FEM1A: variants seen among roughly 807,000 people sequenced by gnomAD.
FEM1A encodes the protein protein fem-1 homolog A.
A neutral mutation model predicts 0.7 loss-of-function variants in FEM1A; 1 was observed. The observed-to-expected ratio is 1.35, with a 90% CI of 0.48 to 6.40. The LOEUF is 6.40. Ranked by LOEUF, FEM1A falls within the 30% of genes most tolerant of loss-of-function variation. FEM1A has a pLI of 0.14. For missense variants in FEM1A, 721 were observed against 918.7 expected, an observed-to-expected ratio of 0.78 and a Z score of 2.78; for synonymous variants, 391 against 420.6, an observed-to-expected ratio of 0.93 and a Z score of 0.86.
In FEM1A at chr19:4,798,080, A is replaced by AAAAT; in HGVS notation, c.*4217_*4220dup. ...AAACCCCGTCTCTACTAAAAATACA[A>AAAAT]AAATTAGCCGGGTGTGGTGGCAGGT... On this transcript the variant is annotated 3_prime_UTR_variant, in exon 1 of 1. Transcript: ENST00000269856. The AAAAT allele has an allele frequency of 8.5e-6, 1 of 118,000 alleles. No homozygotes were observed. Among genetic ancestry groups the AAAAT allele is most frequent in the Non-Finnish European group, 1.9e-5 (1 of 53,112 alleles). The allele number at this position is 118,000 out of a possible 1,614,324, so 7.3% of individuals were successfully genotyped here.
chr19:4,793,143 T>C lies in FEM1A; in HGVS notation c.1289T>C (p.Met430Thr). 6.2e-6 allele frequency: 10 copies of C among 1,613,512 alleles called. No individual in the cohort carries two copies. Among genetic ancestry groups the C allele is most frequent in the Non-Finnish European group, 8.5e-6 (10 of 1,180,016 alleles). The part of the protein sequence containing the change: ...QQSNLEPLSP[M>T]TASSFLSFAE... ...AGCAACCTGGAGCCTCTGAGCCCCA[T>C]GACCGCCAGCAGCTTCCTCTCCTTC... The change falls in exon 1 of 1, where the codon ATG (methionine) becomes ACG (threonine). Residue 430 changes from methionine (M) to threonine (T), a missense_variant. Coordinates refer to ENST00000269856, the MANE Select transcript of FEM1A (RefSeq NM_018708.3). The surrounding 1 kb of genome is among the most constrained non-coding windows in gnomAD (Gnocchi z 5.1).
rs1400400671 is a variant in FEM1A, at chr19:4,794,872, A to C, written c.*1008A>C. 6.0e-6 allele frequency: 1 copy of C among 166,980 alleles called. No individual in the cohort carries two copies. Among genetic ancestry groups the C allele is most frequent in the Non-Finnish European group, 1.5e-5 (1 of 68,102 alleles). 10.3% of individuals were successfully genotyped at this position (166,980 alleles called of 1,614,324 possible). On this transcript the variant is annotated 3_prime_UTR_variant, in exon 1 of 1. Transcript: ENST00000269856. ...CTTTGCCACCCAGCAAAGAACTGGC[A>C]CAATTGGTTTGGGTCTGCATTGCCA...
Position 4,791,838 on chromosome 19 carries a change from T to C in FEM1A, c.-17T>C, listed in dbSNP as rs2093554659. 6.7e-7 allele frequency: 1 copy of C among 1,482,684 alleles called. No homozygotes were observed. Among genetic ancestry groups the C allele is most frequent in the African/African-American group, 1.5e-5 (1 of 68,568 alleles). The allele number at this position is 1,482,684 out of a possible 1,614,324, so 91.8% of individuals were successfully genotyped here. ...GTCCCCCGGCGGCCGGCCCATGGCC[T>C]GGCGGAGGCCCGAACCATGGACCTC... On this transcript the variant is annotated 5_prime_UTR_variant, in exon 1 of 1. Transcript: ENST00000269856.
chr19:4,793,925 G>A lies in FEM1A; in HGVS notation c.*61G>A, dbSNP rs2093558017. ...CTCCTGCTGAGATGGGGGAAATCCGGCTGCGGCATAGCAGATGCTCGTTCT... is the reference window on the plus strand; with the variant it reads ...CTCCTGCTGAGATGGGGGAAATCCGACTGCGGCATAGCAGATGCTCGTTCT... On this transcript the variant is annotated 3_prime_UTR_variant, in exon 1 of 1. Coordinates refer to ENST00000269856, the MANE Select transcript of FEM1A (RefSeq NM_018708.3). The surrounding 1 kb of genome is among the most constrained non-coding windows in gnomAD (Gnocchi z 5.1). 4 of 1,508,368 alleles carry A rather than the reference G, an allele frequency of 2.7e-6. No individual in the cohort carries two copies. Among genetic ancestry groups the A allele is most frequent in the South Asian group, 2.5e-5 (2 of 80,386 alleles). The allele number at this position is 1,508,368 out of a possible 1,614,324, so 93.4% of individuals were successfully genotyped here. A position where few individuals can be genotyped will look rare whatever the true frequency, so the allele number is the denominator to read the frequency against.
At position 4,792,862 on chromosome 19, in the gene FEM1A, G is replaced by T; in HGVS notation, c.1008G>T (p.Leu336=). 7 of 1,612,210 alleles carry T rather than the reference G, an allele frequency of 4.3e-6. No homozygotes were observed. Among genetic ancestry groups the T allele is most frequent in the Non-Finnish European group, 5.9e-6 (7 of 1,180,002 alleles). Residue 336 remains leucine (L), a synonymous_variant, in exon 1 of 1, where the codon CTG becomes CTT. Coordinates refer to ENST00000269856, the MANE Select transcript of FEM1A (RefSeq NM_018708.3). The surrounding 1 kb of genome is among the most constrained non-coding windows in gnomAD (Gnocchi z 6.7). ...MELRHQGGEY[L]PKPEPPQLVL... ...TGCGTCACCAGGGGGGCGAGTACCT[G>T]CCCAAACCGGAGCCCCCACAGCTGG...
At position 4,792,809 on chromosome 19, in the gene FEM1A, C is replaced by T. The variant is rs578180307; in HGVS notation, c.955C>T (p.Leu319Phe). The change falls in exon 1 of 1, where the codon CTT (leucine) becomes TTT (phenylalanine). Residue 319 changes from leucine to phenylalanine, a missense_variant. Coordinates refer to ENST00000269856, the MANE Select transcript of FEM1A (RefSeq NM_018708.3). This position sits in a 1 kb window ranked among gnomAD's most constrained non-coding sequence, Gnocchi z 6.7. ...TAAGAAACGAGATCTGCTTGGGGCC[C>T]TTAAACACTGGAGGCGGGCCATGGA... is the stretch of plus-strand genomic sequence containing the variant. ...VDKKRDLLGA[L>F]KHWRRAMELR... 5 of 1,612,196 alleles carry T rather than the reference C, an allele frequency of 3.1e-6. No individual in the cohort carries two copies. The South Asian group carries it at 3.3e-5, about 11-fold the overall frequency.
In FEM1A at chr19:4,800,367, A is replaced by C. The variant is rs1034626025; in HGVS notation, c.*6503A>C. The C allele has an allele frequency of 6.6e-6, 1 of 152,390 alleles. No homozygotes were observed. The highest frequency in any genetic ancestry group is 2.4e-5 in the African/African-American group (1 of 41,466). 9.4% of individuals were successfully genotyped at this position (152,390 alleles called of 1,614,324 possible). On this transcript the variant is annotated 3_prime_UTR_variant, in exon 1 of 1. Transcript: ENST00000269856. ...GGAAGGTGTCGAGAGCCAGGCAGCC[A>C]AGCCTGACCTGGGAGATGGGGAAGT...
rs767631217 is a variant in FEM1A, at chr19:4,796,704, G to C, written c.*2840G>C. 6.6e-6 allele frequency: 1 copy of C among 152,306 alleles called. No individual in the cohort carries two copies. The highest frequency in any genetic ancestry group is 2.4e-5 in the African/African-American group (1 of 41,460). 9.4% of individuals were successfully genotyped at this position (152,306 alleles called of 1,614,324 possible). On this transcript the variant is annotated 3_prime_UTR_variant, in exon 1 of 1. Transcript: ENST00000269856. The stretch of plus-strand genomic sequence containing the variant: ...TAAGGATTGAGCTGTCGATATGAAC[G>C]TCCGGTTAATCCCTGTGCGCCCGCC...
rs1204525478 is a variant in FEM1A, at chr19:4,793,762, C to T, written c.1908C>T (p.Tyr636=). 4 of 1,612,266 alleles carry T rather than the reference C, an allele frequency of 2.5e-6. No homozygotes were observed. The South Asian group carries it at 3.3e-5, about 13-fold the overall frequency. Residue 636 remains tyrosine, a synonymous_variant, in exon 1 of 1, where the codon TAC becomes TAT. Coordinates refer to ENST00000269856, the MANE Select transcript of FEM1A (RefSeq NM_018708.3). The surrounding 1 kb of genome is among the most constrained non-coding windows in gnomAD (Gnocchi z 5.1). ...LARGTMQPFN[Y]VTLQCLAARA... ...GGGGTACCATGCAGCCCTTCAACTA[C>T]GTGACCCTGCAGTGCCTTGCGGCCC...
chr19:4,796,293 G>C lies in FEM1A; in HGVS notation c.*2429G>C, dbSNP rs2093561041. 1 of 150,864 alleles carries C rather than the reference G, an allele frequency of 6.6e-6. No individual in the cohort carries two copies. Among genetic ancestry groups the C allele is most frequent in the South Asian group, 2.1e-4 (1 of 4,772 alleles). 9.3% of individuals were successfully genotyped at this position (150,864 alleles called of 1,614,324 possible). A position where few individuals can be genotyped will look rare whatever the true frequency, so the allele number is the denominator to read the frequency against. ...TGCAACCGCTGCCTCCCGGGTTCAA[G>C]TGATTCTCCTGCCTCAGCCTCCTGA... On this transcript the variant is annotated 3_prime_UTR_variant, in exon 1 of 1. Coordinates refer to ENST00000269856, the MANE Select transcript of FEM1A (RefSeq NM_018708.3).
rs780604128 is a variant in FEM1A, at chr19:4,792,322, C to T, written c.468C>T (p.Ile156=). ...GGCACGGCCACACGTGCCTCATGAT[C>T]TCGTGCTACAAGGGCCACCGTGAGA... The part of the protein sequence containing the change: ...ANRHGHTCLM[I]SCYKGHREIA... The change falls in exon 1 of 1, where the codon ATC becomes ATT. Residue 156 remains isoleucine (I), a synonymous_variant. Transcript: ENST00000269856. The surrounding 1 kb of genome is among the most constrained non-coding windows in gnomAD (Gnocchi z 6.7). The T allele has an allele frequency of 1.2e-5, 19 of 1,592,508 alleles. No individual in the cohort carries two copies. The highest frequency in any genetic ancestry group is 1.4e-5 in the Non-Finnish European group (17 of 1,177,892).
In FEM1A at chr19:4,792,466, G is replaced by A. The variant is rs2093555593; in HGVS notation, c.612G>A (p.Gly204=). 1.3e-6 allele frequency: 2 copies of A among 1,596,930 alleles called. No individual in the cohort carries two copies. Among genetic ancestry groups the A allele is most frequent in the African/African-American group, 1.3e-5 (1 of 74,894 alleles). ...TGGAGATCCTGCAGCTGCTGCTGGG[G>A]TGCAAGGCCCGCATGGAACGTGACG... The part of the protein sequence containing the change: ...GSLEILQLLL[G]CKARMERDGY... Residue 204 remains glycine (G), a synonymous_variant, in exon 1 of 1, where the codon GGG becomes GGA. Coordinates refer to ENST00000269856, the MANE Select transcript of FEM1A (RefSeq NM_018708.3). This position sits in a 1 kb window ranked among gnomAD's most constrained non-coding sequence, Gnocchi z 6.7.
In FEM1A at chr19:4,792,468, G is replaced by C. The variant is rs1372228614; in HGVS notation, c.614G>C (p.Cys205Ser). Residue 205 changes from cysteine (C) to serine (S), a missense_variant, in exon 1 of 1, where the codon TGC (cysteine) becomes TCC (serine). By Grantham distance (112) the Cys-to-Ser change is moderately radical (BLOSUM62 -1). Coordinates refer to ENST00000269856, the MANE Select transcript of FEM1A (RefSeq NM_018708.3). This position sits in a 1 kb window ranked among gnomAD's most constrained non-coding sequence, Gnocchi z 6.7. ...SLEILQLLLG[C>S]KARMERDGYG... ...GAGATCCTGCAGCTGCTGCTGGGGT[G>C]CAAGGCCCGCATGGAACGTGACGGC... 1.9e-6 allele frequency: 3 copies of C among 1,597,018 alleles called. No homozygotes were observed. Among genetic ancestry groups the C allele is most frequent in the Non-Finnish European group, 2.5e-6 (3 of 1,179,630 alleles).
chr19:4,793,523 A>G lies in FEM1A; in HGVS notation c.1669A>G (p.Arg557Gly), dbSNP rs1246634718. ...TTNVGRYPVG[R>G]FPSLHVVKVL... The stretch of plus-strand genomic sequence containing the variant: ...AAACGTGGGCCGCTATCCCGTGGGC[A>G]GATTCCCCTCCCTGCACGTGGTCAA... The change falls in exon 1 of 1, where the codon AGA (arginine) becomes GGA (glycine). Residue 557 changes from arginine to glycine, a missense_variant. This residue lies in a region of FEM1A where 379 missense variants were observed against 454.8 expected (regional missense o/e 0.83). Coordinates refer to ENST00000269856, the MANE Select transcript of FEM1A (RefSeq NM_018708.3). The surrounding 1 kb of genome is among the most constrained non-coding windows in gnomAD (Gnocchi z 5.1). 4.3e-6 allele frequency: 7 copies of G among 1,613,106 alleles called. No homozygotes were observed. The highest frequency in any genetic ancestry group is 5.1e-6 in the Non-Finnish European group (6 of 1,179,862).
rs2093556079 is a variant in FEM1A at position 4,792,752 on chromosome 19, G to C, written c.898G>C (p.Ala300Pro). The change falls in exon 1 of 1, where the codon GCC (alanine) becomes CCC (proline). Residue 300 changes from alanine (A) to proline (P), a missense_variant. Physicochemically the swap from Ala to Pro is conservative, Grantham distance 27 (BLOSUM62 -1). Coordinates refer to ENST00000269856, the MANE Select transcript of FEM1A (RefSeq NM_018708.3). This position sits in a 1 kb window ranked among gnomAD's most constrained non-coding sequence, Gnocchi z 6.7. Reference protein sequence around the residue: ...CPTSREAAVEALELLGATYVD... With the variant: ...CPTSREAAVEPLELLGATYVD... The stretch of plus-strand genomic sequence containing the variant: ...CACCAGCCGGGAAGCTGCCGTGGAA[G>C]CCTTGGAATTGCTGGGAGCTACGTA... The C allele has an allele frequency of 6.2e-7, 1 of 1,612,136 alleles. No individual in the cohort carries two copies. Among genetic ancestry groups the C allele is most frequent in the Non-Finnish European group, 8.5e-7 (1 of 1,179,898 alleles).
In FEM1A at chr19:4,799,918, A is replaced by AATAAATAAAAT. The variant is rs1555728949; in HGVS notation, c.*6055_*6056insTAAATAAAATA. 6.9e-6 allele frequency: 1 copy of AATAAATAAAAT among 145,006 alleles called. No homozygotes were observed. Among genetic ancestry groups the AATAAATAAAAT allele is most frequent in the African/African-American group, 2.5e-5 (1 of 39,344 alleles). 9.0% of individuals were successfully genotyped at this position (145,006 alleles called of 1,614,324 possible). A position where few individuals can be genotyped will look rare whatever the true frequency, so the allele number is the denominator to read the frequency against. ...AGACTCTGTCTCAAAAAAAAAAAAAAAAAAAAAAAAAAAAATGGGGCCATC... is the reference window on the plus strand; with the variant it reads ...AGACTCTGTCTCAAAAAAAAAAAAAAATAAATAAAATAAAAAAAAAAAAAAATGGGGCCATC... On this transcript the variant is annotated 3_prime_UTR_variant, in exon 1 of 1. Coordinates refer to ENST00000269856, the MANE Select transcript of FEM1A (RefSeq NM_018708.3).
rs2093565286 is a variant in FEM1A at position 4,799,250 on chromosome 19, T to A, written c.*5386T>A. 1 of 151,774 alleles carries A rather than the reference T, an allele frequency of 6.6e-6. No individual in the cohort carries two copies. The highest frequency in any genetic ancestry group is 2.4e-5 in the African/African-American group (1 of 41,248). The allele number at this position is 151,774 out of a possible 1,614,324, so 9.4% of individuals were successfully genotyped here. ...CAACATGGTGAAACCCTATCTATTC[T>A]AAAAATACAAAAAATTAGCCAGGCA... is the stretch of plus-strand genomic sequence containing the variant. On this transcript the variant is annotated 3_prime_UTR_variant, in exon 1 of 1. Transcript: ENST00000269856.
rs1391021907 is a variant in FEM1A, at chr19:4,794,514, A to G, written c.*650A>G. The G allele has an allele frequency of 1.2e-5, 2 of 164,818 alleles. No individual in the cohort carries two copies. Among genetic ancestry groups the G allele is most frequent in the African/African-American group, 2.4e-5 (1 of 40,968 alleles). The allele number at this position is 164,818 out of a possible 1,614,324, so 10.2% of individuals were successfully genotyped here. ...AGTGGGCAGGTTGCAAGCGTTGCAC[A>G]GAAATTCTGAGATTTTACTGCCTTT... On this transcript the variant is annotated 3_prime_UTR_variant, in exon 1 of 1. Coordinates refer to ENST00000269856, the MANE Select transcript of FEM1A (RefSeq NM_018708.3).
At position 4,793,963 on chromosome 19, in the gene FEM1A, G is replaced by C; in HGVS notation, c.*99G>C. On this transcript the variant is annotated 3_prime_UTR_variant, in exon 1 of 1. Transcript: ENST00000269856. The surrounding 1 kb of genome is among the most constrained non-coding windows in gnomAD (Gnocchi z 5.1). The stretch of plus-strand genomic sequence containing the variant: ...AGATGCTCGTTCTTGCCTCCTTCAG[G>C]CACCAATCAGGAGAAGGGTTCTGCC... 8.2e-7 allele frequency: 1 copy of C among 1,219,130 alleles called. No homozygotes were observed. Among genetic ancestry groups the C allele is most frequent in the Non-Finnish European group, 1.1e-6 (1 of 871,290 alleles). The allele number at this position is 1,219,130 out of a possible 1,614,324, so 75.5% of individuals were successfully genotyped here. A position where few individuals can be genotyped will look rare whatever the true frequency, so the allele number is the denominator to read the frequency against.
Sources: gnomAD v4.1 joint callset for allele counts on GRCh38, gnomAD v4.1.1 for gene constraint, gnomAD v4.1.1 regional missense constraint, Gnocchi (gnomAD v3.1) non-coding constraint, MANE v1.5 for transcripts, NCBI Gene and HGNC (gene_info 2026-07-23, HGNC 2026-07-21) for gene names.